PUM1: variants seen among roughly 807,000 people sequenced by gnomAD.
The protein encoded by PUM1 is pumilio homolog 1.
In PUM1, 13 loss-of-function variants were observed where a neutral mutation model predicts 131.8. The ratio of observed to expected loss-of-function variants is 0.10; its 90% CI spans 0.06 to 0.16. PUM1 has a LOEUF of 0.16. Among genes scored for constraint, PUM1 ranks in the 10% least tolerant of loss-of-function variants. The pLI is 1.00. For synonymous variants in PUM1, 509 were observed against 556.5 expected (o/e 0.91, Z 1.20); for missense variants, 961 against 1,512.4 (o/e 0.64, Z 6.05).
At chr1:30,970,179 CTG>C (rs1640816379) in intron 10 of PUM1, among the ~76,000 whole-genome samples, 1 of 152,124 alleles carries the variant, frequency 6.6e-6, no homozygotes, top group South Asian at 2.1e-4. Context: ...TTCAATTTCA[CTG>C]TGTTATTTAT....
At chr1:31,029,844 C>A (rs1433809819) in intron 2 of PUM1, among the ~76,000 whole-genome samples, 2 of 148,166 alleles carry the variant, frequency 1.3e-5, no homozygotes, top group African/African-American at 2.5e-5. Flanking sequence ...AGCCCAGGAG[C>A]TAGAGGCTGC....
intron 2 of PUM1, among the ~76,000 whole-genome samples, chr1:31,056,041 C>A (rs1163733386): frequency 6.6e-6 from 1 of 152,138 alleles, no homozygotes; most frequent in African/African-American, 2.4e-5. Flanking sequence ...ACAGATGCCA[C>A]CCAAATCAAA....
At chr1:31,045,278 C>T (rs552628859) in intron 2 of PUM1, among the ~76,000 whole-genome samples, 21 of 151,942 alleles carry the variant, frequency 1.4e-4, no homozygotes, top group Admixed American at 4.6e-4. Flanking sequence ...TGATTACAAG[C>T]GCCCACCCCC....
intron 3 of PUM1, among the ~76,000 whole-genome samples, chr1:31,023,173 C>CA (rs879342420): frequency 7.8e-4 from 94 of 120,608 alleles, no homozygotes; most frequent in African/African-American, 9.9e-4. Context: ...AACTCCATCT[C>CA]AAAAAAAAAA....
intron 3 of PUM1, among the ~76,000 whole-genome samples, chr1:31,026,148 C>G (rs1643212611): frequency 6.6e-6 from 1 of 151,386 alleles, no homozygotes; most frequent in African/African-American, 2.4e-5. Context: ...CCAAGCTACT[C>G]AGGAGGCTAA....
At chr1:30,934,683 C>T (rs1639125099) in intron 21 of PUM1, among the ~76,000 whole-genome samples, 1 of 152,200 alleles carries the variant, frequency 6.6e-6, no homozygotes, top group East Asian at 1.9e-4. Context: ...GTCATGAGAA[C>T]TTGAGGTTCA....
intron 18 of PUM1, 65 bp from the exon 19 acceptor site, chr1:30,942,188 T>TGAA: frequency 2.5e-5 from 5 of 202,570 alleles, no homozygotes; most frequent in Non-Finnish European, 3.6e-5. Flanking sequence ...GCTTCAGTAT[T>TGAA]GTTTATATAT....
chr1:31,016,092 A>C (rs1642809061), intron 3 of PUM1, among the ~76,000 whole-genome samples: 1 of 152,254 alleles, frequency 6.6e-6, no homozygotes, highest in Non-Finnish European at 1.5e-5. Context: ...AATCCAAAAA[A>C]ATGCAAAATT....
At chr1:30,991,731 AAC>A (rs1228900923) in intron 7 of PUM1, among the ~76,000 whole-genome samples, 1 of 152,216 alleles carries the variant, frequency 6.6e-6, no homozygotes, top group Admixed American at 6.5e-5. Context: ...TAAATAAATA[AAC>A]ACAGAGATCA....
intron 7 of PUM1, 47 bp downstream of exon 7, chr1:30,992,343 G>A (rs1328006831): frequency 1.1e-5 from 17 of 1,583,874 alleles, no homozygotes; most frequent in Non-Finnish European, 1.5e-5. Flanking sequence ...TGAACAACGT[G>A]CTGGCTGGAG....
chr1:31,006,161 G>C, intron 4 of PUM1, 130 bp from the exon 5 acceptor site: 1 of 613,906 alleles, frequency 1.6e-6, no homozygotes, highest in Non-Finnish European at 2.7e-6. Flanking sequence ...CTCCTATCAT[G>C]TCCCTCACTG....
At chr1:30,968,603 T>A in intron 10 of PUM1, 111 bp from the exon 11 acceptor site, 1 of 1,146,956 alleles carries the variant, frequency 8.7e-7, no homozygotes, top group Non-Finnish European at 1.2e-6. Context: ...TGTTTCCCTA[T>A]AATGGTTTTT....
intron 3 of PUM1, among the ~76,000 whole-genome samples, chr1:31,011,019 G>A (rs551590331): frequency 6.6e-6 from 1 of 152,274 alleles, no homozygotes; most frequent in African/African-American, 2.4e-5. Flanking sequence ...TCAGTCCGGA[G>A]TGGTGGCACA....
At chr1:31,056,471 C>T (rs527337373) in intron 2 of PUM1, among the ~76,000 whole-genome samples, 9 of 151,678 alleles carry the variant, frequency 5.9e-5, no homozygotes, top group East Asian at 3.9e-4. Context: ...TTAGTAGAGA[C>T]GGGGTTTCAC....
In PUM1 at chr1:30,966,283, G is replaced by C. The variant is rs368247675; in HGVS notation, c.1790-5C>G. 45 of 1,579,336 alleles carry C rather than the reference G, an allele frequency of 2.8e-5. No homozygotes were observed. In the African/African-American group the frequency reaches 5.1e-4, roughly 18 times the overall value. ...AAGCTGCGGCTGCTGCAACAGCTAT[G>C]AAGAAGAAAGCAAACCGTTTGGCTA... On this transcript the variant is annotated splice_region_variant and splice_polypyrimidine_tract_variant and intron_variant, in intron 12 of 21. Transcript: ENST00000426105.
chr1:30,962,078 G>A (rs771079223), intron 14 of PUM1, among the ~76,000 whole-genome samples: 2 of 152,190 alleles, frequency 1.3e-5, no homozygotes, highest in Non-Finnish European at 2.9e-5. Flanking sequence ...AGGCAAAGCT[G>A]TACTGAGACA....
chr1:31,018,428 G>A (rs750670184), intron 3 of PUM1, among the ~76,000 whole-genome samples: 5 of 152,164 alleles, frequency 3.3e-5, no homozygotes, highest in Non-Finnish European at 7.3e-5. Context: ...TTGGGAGGCC[G>A]ATGGATCACC....
Position 31,014,301 on chromosome 1 carries a change from C to CAAA in PUM1, c.433-7202_433-7200dup, listed in dbSNP as rs745510280. Among the ~76,000 whole-genome samples, 13 of 76,074 alleles carry CAAA rather than the reference C, an allele frequency of 1.7e-4. No homozygotes were observed. In the East Asian group the frequency reaches 3.2e-3, roughly 19 times the overall value. 49.9% of individuals were successfully genotyped at this position (76,074 alleles called of 152,430 possible). ...GGGCAACAGAGCAAGATCCAGTCTC[C>CAAA]AAAAAAAAAAAAAAAAAAAAAATCT... is the stretch of plus-strand genomic sequence containing the variant. On this transcript the variant is annotated intron_variant, in intron 3 of 21. Coordinates refer to ENST00000426105, the MANE Select transcript of PUM1 (RefSeq NM_001020658.2).
intron 17 of PUM1, among the ~76,000 whole-genome samples, chr1:30,949,616 C>T (rs1639842603): frequency 6.6e-6 from 1 of 151,978 alleles, no homozygotes; most frequent in Admixed American, 6.5e-5. Context: ...CCAGAATGCA[C>T]TCTGTGGGCA....
Sources: allele counts gnomAD v4.1 joint callset (sites outside exome capture counted in the v4.1 genomes callset), GRCh38; gene constraint gnomAD v4.1.1; transcripts MANE v1.5; gene names NCBI Gene and HGNC (gene_info 2026-07-23, HGNC 2026-07-21).